EFNA5: variants seen among roughly 807,000 people sequenced by gnomAD.
The protein encoded by EFNA5 is ephrin-A5.
A neutral mutation model predicts 22.9 loss-of-function variants in EFNA5; 5 were observed. The observed-to-expected ratio is 0.22, with a 90% CI of 0.11 to 0.46. The LOEUF (loss-of-function observed/expected upper bound fraction) is 0.46, where lower values mean the gene tolerates loss of function less well. Among genes scored for constraint, EFNA5 ranks in the 20% least tolerant of loss-of-function variants. The probability of loss-of-function intolerance (pLI) is 0.99; values close to 1 mark genes in which losing one functional copy is unlikely to be tolerated. For synonymous variants in EFNA5, 113 were observed against 112.2 expected, an observed-to-expected ratio of 1.01 and a Z score of -0.04; for missense variants, 237 against 293.3, an observed-to-expected ratio of 0.81 and a Z score of 1.40.
At chr5:107,524,597 C>T (rs1481688703) in intron 1 of EFNA5, among the ~76,000 whole-genome samples, 1 of 152,156 alleles carries the variant, frequency 6.6e-6, no homozygotes, top group East Asian at 1.9e-4. Flanking sequence ...TGATGCTAGC[C>T]ATACTGAATA....
intron 2 of EFNA5, among the ~76,000 whole-genome samples, chr5:107,423,019 C>A (rs746705213): frequency 1.3e-5 from 2 of 152,116 alleles, no homozygotes; most frequent in African/African-American, 4.8e-5. Context: ...GACCACTGTA[C>A]GGATGTTATC....
chr5:107,478,505 G>C (rs1420181888), intron 1 of EFNA5, among the ~76,000 whole-genome samples: 1 of 152,164 alleles, frequency 6.6e-6, no homozygotes, highest in African/African-American at 2.4e-5. Context: ...CAGCATAATG[G>C]ATGCAGCCAT....
chr5:107,511,200 AT>A (rs1747364173), intron 1 of EFNA5, among the ~76,000 whole-genome samples: 1 of 151,942 alleles, frequency 6.6e-6, no homozygotes, highest in African/African-American at 2.4e-5. Context: ...CTAATTTTGT[AT>A]TTTTAGTAGA....
At chr5:107,660,476 CAT>C (rs1561462971) in intron 1 of EFNA5, among the ~76,000 whole-genome samples, 1 of 151,000 alleles carries the variant, frequency 6.6e-6, no homozygotes, top group Non-Finnish European at 1.5e-5. Context: ...AGAACACTAT[CAT>C]GTCTGTAACT....
At chr5:107,640,973 C>CAGGT (rs1554070881) in intron 1 of EFNA5, among the ~76,000 whole-genome samples, 57 of 128,406 alleles carry the variant, frequency 4.4e-4, no homozygotes, top group East Asian at 1.4e-3. Context: ...GGTAGGTAGG[C>CAGGT]AGGTAGATAG....
At chr5:107,596,680 A>G (rs931607301) in intron 1 of EFNA5, among the ~76,000 whole-genome samples, 1 of 152,170 alleles carries the variant, frequency 6.6e-6, no homozygotes, top group African/African-American at 2.4e-5. Flanking sequence ...CAAGTTATTT[A>G]ACCTATAAAA....
intron 1 of EFNA5, among the ~76,000 whole-genome samples, chr5:107,478,698 C>CT (rs1750374776): frequency 6.6e-6 from 1 of 152,128 alleles, no homozygotes; most frequent in Non-Finnish European, 1.5e-5. Context: ...GCTCATTGGT[C>CT]TTAATAAATA....
chr5:107,449,052 T>A (rs1391429211), intron 1 of EFNA5, among the ~76,000 whole-genome samples: 3 of 151,802 alleles, frequency 2.0e-5, no homozygotes, highest in Non-Finnish European at 4.4e-5. Context: ...TTTAAATAAA[T>A]AAATGAAAAA....
intron 1 of EFNA5, among the ~76,000 whole-genome samples, chr5:107,439,675 T>G (rs770298996): frequency 6.6e-6 from 1 of 152,138 alleles, no homozygotes; most frequent in African/African-American, 2.4e-5. Context: ...CACACTATTT[T>G]TCTAAGTAAG....
chr5:107,416,763 CA>C (rs1294713633), intron 2 of EFNA5, among the ~76,000 whole-genome samples: 1 of 152,132 alleles, frequency 6.6e-6, no homozygotes, highest in Non-Finnish European at 1.5e-5. Flanking sequence ...GACCTCTAAG[CA>C]ATATACTAAA....
intron 1 of EFNA5, among the ~76,000 whole-genome samples, chr5:107,541,744 C>T (rs1748052406): frequency 6.6e-6 from 1 of 152,144 alleles, no homozygotes; most frequent in Non-Finnish European, 1.5e-5. Context: ...AGATTTTATA[C>T]TTGATAAGAG....
intron 1 of EFNA5, among the ~76,000 whole-genome samples, chr5:107,572,031 GACAGTCAT>G (rs1388239336): frequency 3.9e-5 from 6 of 152,152 alleles, no homozygotes; most frequent in African/African-American, 9.7e-5. Context: ...AGCGTGGACA[GACAGTCAT>G]ACAGGTGTGG....
intron 1 of EFNA5, among the ~76,000 whole-genome samples, chr5:107,581,400 C>G (rs1252342636): frequency 6.6e-6 from 1 of 152,194 alleles, no homozygotes; most frequent in African/African-American, 2.4e-5. Context: ...CAAAGAGCAA[C>G]AGAGACACGC....
intron 1 of EFNA5, among the ~76,000 whole-genome samples, chr5:107,623,058 A>AAAAT (rs1750072180): frequency 7.0e-6 from 1 of 143,660 alleles, no homozygotes; most frequent in African/African-American, 2.6e-5. Flanking sequence ...AAAAAAAAAA[A>AAAAT]GTTGAATACT....
chr5:107,628,991 C>T (rs933779164), intron 1 of EFNA5, among the ~76,000 whole-genome samples: 5 of 152,090 alleles, frequency 3.3e-5, no homozygotes, highest in Middle Eastern at 3.4e-3. Flanking sequence ...GTAGTTTCTT[C>T]GGCATCCTAA....
At chr5:107,402,029 T>C (rs1748099874) in intron 2 of EFNA5, among the ~76,000 whole-genome samples, 1 of 152,210 alleles carries the variant, frequency 6.6e-6, no homozygotes. Context: ...AGGCACTTCA[T>C]AAAAGCAACA....
intron 2 of EFNA5, among the ~76,000 whole-genome samples, chr5:107,409,087 G>A (rs1580431730): frequency 6.6e-6 from 1 of 152,236 alleles, no homozygotes; most frequent in African/African-American, 2.4e-5. Flanking sequence ...TAGAGCCCTT[G>A]GCAATCTGGA....
chr5:107,523,589 C>T (rs1014197235), intron 1 of EFNA5, among the ~76,000 whole-genome samples: 1 of 152,192 alleles, frequency 6.6e-6, no homozygotes, highest in African/African-American at 2.4e-5. Flanking sequence ...TGGTTCCAGG[C>T]ACAACTTCAG....
At chr5:107,542,583 T>C (rs1236749735) in intron 1 of EFNA5, among the ~76,000 whole-genome samples, 1 of 151,472 alleles carries the variant, frequency 6.6e-6, no homozygotes, top group African/African-American at 2.4e-5. Context: ...GGGTAGGTGC[T>C]GGAGGTACAG....
Sources: gnomAD v4.1 joint callset for allele counts (sites outside exome capture counted in the v4.1 genomes callset) on GRCh38, gnomAD v4.1.1 for gene constraint, MANE v1.5 for transcripts, NCBI Gene and HGNC (gene_info 2026-07-23, HGNC 2026-07-21) for gene names.